The following CDH4 variants were observed in gnomAD, a reference collection of about 807,000 sequenced individuals.
The protein encoded by CDH4 is cadherin 4, also known as cadherin-4.
A neutral mutation model predicts 86.0 loss-of-function variants in CDH4; 33 were observed. The ratio of observed to expected loss-of-function variants is 0.38; its 90% CI spans 0.29 to 0.51. CDH4 has a LOEUF of 0.51. CDH4 is among the 20% of genes least tolerant of loss of function. The pLI, the probability that CDH4 is intolerant of heterozygous loss-of-function variation, is 0.86. For missense variants in CDH4, 1,114 were observed against 1,307.4 expected (o/e 0.85, Z 2.28); for synonymous variants, 555 against 549.4 (o/e 1.01, Z -0.14).
intron 2 of CDH4, among the ~76,000 whole-genome samples, chr20:61,593,621 T>C (rs990848550): frequency 1.2e-4 from 18 of 152,176 alleles, no homozygotes; most frequent in Admixed American, 5.2e-4. Context: ...TGTATATGCT[T>C]AGGACAATTT....
chr20:61,748,326 T>C (rs2088444561), intron 3 of CDH4, among the ~76,000 whole-genome samples: 1 of 152,032 alleles, frequency 6.6e-6, no homozygotes. Context: ...AGAGATGGGG[T>C]TTCACCGTGT....
intron 2 of CDH4, among the ~76,000 whole-genome samples, chr20:61,307,311 G>T (rs1326917029): frequency 6.7e-6 from 1 of 148,330 alleles, no homozygotes; most frequent in East Asian, 2.0e-4. Flanking sequence ...GGCACTCAGA[G>T]CTTACATGCT....
At chr20:61,318,663 A>G (rs763187389) in intron 2 of CDH4, among the ~76,000 whole-genome samples, 1 of 152,212 alleles carries the variant, frequency 6.6e-6, no homozygotes, top group African/African-American at 2.4e-5. Context: ...TACATGCTCA[A>G]TGCATAGCCA....
chr20:61,502,512 T>C (rs1425819522), intron 2 of CDH4, among the ~76,000 whole-genome samples: 1 of 152,182 alleles, frequency 6.6e-6, no homozygotes, highest in Non-Finnish European at 1.5e-5. Context: ...TTCCAGCTCA[T>C]TGAAAGAGGA....
intron 2 of CDH4, among the ~76,000 whole-genome samples, chr20:61,534,686 T>G (rs2085982925): frequency 6.9e-6 from 1 of 145,060 alleles, no homozygotes; most frequent in African/African-American, 2.7e-5. Flanking sequence ...TTTTTTTTTT[T>G]TGAGGTGTTT....
intron 2 of CDH4, among the ~76,000 whole-genome samples, chr20:61,320,953 C>A (rs1409295615): frequency 1.3e-5 from 2 of 152,012 alleles, no homozygotes; most frequent in Non-Finnish European, 2.9e-5. Context: ...CTCTTCCTGC[C>A]CCTGCTGTGG....
chr20:61,614,553 G>C (rs2086710645), intron 2 of CDH4, among the ~76,000 whole-genome samples: 1 of 152,128 alleles, frequency 6.6e-6, no homozygotes, highest in Admixed American at 6.5e-5. Flanking sequence ...GGGTTGTGTA[G>C]TGGGACCCAG....
At chr20:61,415,029 T>G in intron 2 of CDH4, among the ~76,000 whole-genome samples, 1 of 152,246 alleles carries the variant, frequency 6.6e-6, no homozygotes, top group East Asian at 1.9e-4. Flanking sequence ...GGCTGGGCTT[T>G]TCCGCTAGCT....
chr20:61,518,772 CCATCCTTT>C lies in CDH4; in HGVS notation c.170-224785_170-224778del, dbSNP rs1202884549. ...ATCCATTCGTACATCCACCCATCAT[CCATCCTTT>C]CATCCATCATTCATTCATCCATCCA... On this transcript the variant is annotated intron_variant, in intron 2 of 15. Transcript: ENST00000614565. The surrounding 1 kb of genome is among the most constrained non-coding windows in gnomAD (Gnocchi z 6.3). Among the ~76,000 whole-genome samples, 1 of 151,540 alleles carries C rather than the reference CCATCCTTT, an allele frequency of 6.6e-6. No homozygotes were observed. The highest frequency in any genetic ancestry group is 1.5e-5 in the Non-Finnish European group (1 of 67,878).
intron 2 of CDH4, among the ~76,000 whole-genome samples, chr20:61,659,871 A>G (rs2087234158): frequency 6.6e-6 from 1 of 152,144 alleles, no homozygotes. Flanking sequence ...CAGCCTCTGG[A>G]AAAGGAAGCA....
At chr20:61,669,131 C>CGGGCATGGGCACACCTCG in intron 2 of CDH4, among the ~76,000 whole-genome samples, 1 of 152,222 alleles carries the variant, frequency 6.6e-6, no homozygotes. Context: ...AGTTAAGGAG[C>CGGGCATGGGCACACCTCG]GGGCATGGGC....
chr20:61,420,822 C>T (rs184751199), intron 2 of CDH4, among the ~76,000 whole-genome samples: 1 of 152,354 alleles, frequency 6.6e-6, no homozygotes, highest in African/African-American at 2.4e-5. Context: ...TGGCATGTCC[C>T]ACGGGGGATG....
chr20:61,839,515 TGTG>T (rs1213653156), intron 4 of CDH4, among the ~76,000 whole-genome samples: 1 of 116,720 alleles, frequency 8.6e-6, no homozygotes, highest in Non-Finnish European at 2.2e-5. Flanking sequence ...TAGTGTGTGT[TGTG>T]TGTATGTGTG....
intron 2 of CDH4, among the ~76,000 whole-genome samples, chr20:61,686,507 ATGTG>A (rs543581662): frequency 2.4e-5 from 3 of 125,564 alleles, no homozygotes; most frequent in African/African-American, 9.3e-5. Flanking sequence ...GTGTGTGTAT[ATGTG>A]TGTGCATTCG....
chr20:61,551,359 T>C (rs1242990130), intron 2 of CDH4, among the ~76,000 whole-genome samples: 1 of 152,240 alleles, frequency 6.6e-6, no homozygotes, highest in African/African-American at 2.4e-5. Flanking sequence ...TATAAAGTCA[T>C]ACAGAAAATT....
At chr20:61,563,737 C>G (rs1159053262) in intron 2 of CDH4, among the ~76,000 whole-genome samples, 3 of 152,222 alleles carry the variant, frequency 2.0e-5, no homozygotes, top group Non-Finnish European at 2.9e-5. Context: ...AACACAGGGA[C>G]AGCTCACCTT....
chr20:61,368,801 GC>G (rs1385413100), intron 2 of CDH4, among the ~76,000 whole-genome samples: 3 of 152,152 alleles, frequency 2.0e-5, no homozygotes, highest in Non-Finnish European at 4.4e-5. Flanking sequence ...ACAGGCGTGA[GC>G]CACTGCAGCC....
chr20:61,298,983 C>T (rs1424605209), intron 2 of CDH4, among the ~76,000 whole-genome samples: 1 of 152,104 alleles, frequency 6.6e-6, no homozygotes, highest in Non-Finnish European at 1.5e-5. Context: ...GTCAGAAGAT[C>T]ACTGAGCATT....
Position 61,544,041 on chromosome 20 carries a change from C to T in CDH4, c.170-199522C>T, listed in dbSNP as rs1201474939. On this transcript the variant is annotated intron_variant, in intron 2 of 15. Transcript: ENST00000614565. The surrounding 1 kb of genome is among the most constrained non-coding windows in gnomAD (Gnocchi z 6.5). ...AGGTCCCTGGAGGCTGCCCCACACC[C>T]CCGGCCCCACACCTGGCTCTTGGCA... Among the ~76,000 whole-genome samples the T allele has an allele frequency of 6.6e-6, 1 of 152,158 alleles. No individual in the cohort carries two copies. The highest frequency in any genetic ancestry group is 1.5e-5 in the Non-Finnish European group (1 of 68,020).
Sources: gnomAD v4.1 joint callset for allele counts (sites outside exome capture counted in the v4.1 genomes callset) on GRCh38, gnomAD v4.1.1 for gene constraint, Gnocchi (gnomAD v3.1) non-coding constraint, MANE v1.5 for transcripts, NCBI Gene and HGNC (gene_info 2026-07-23, HGNC 2026-07-21) for gene names.